The following DNAH14 variants were observed in gnomAD, a reference collection of about 807,000 sequenced individuals.
DNAH14 encodes dynein axonemal heavy chain 14.
A neutral mutation model predicts 520.9 loss-of-function variants in DNAH14; 478 were observed. That is an observed-to-expected ratio of 0.92 (90% confidence interval 0.85 to 0.99). The LOEUF (loss-of-function observed/expected upper bound fraction) is 0.99, where lower values mean the gene tolerates loss of function less well. Ranked by LOEUF, DNAH14 falls within the 50% of genes least tolerant of loss-of-function variation. The probability of loss-of-function intolerance (pLI) is 0.00; values close to 1 mark genes in which losing one functional copy is unlikely to be tolerated. For synonymous variants in DNAH14, 1,581 were observed against 1,757.2 expected (o/e 0.90, Z 2.51); for missense variants, 4,831 against 5,234.5 (o/e 0.92, Z 2.38).
chr1:225,335,681 A>G (rs1182683855), intron 66 of DNAH14, among the ~76,000 whole-genome samples: 2 of 91,534 alleles, frequency 2.2e-5, no homozygotes, highest in African/African-American at 4.8e-5. Flanking sequence ...ATATATGTAT[A>G]TACGCATATA....
At chr1:225,095,160 G>A (rs1220669900) in intron 21 of DNAH14, among the ~76,000 whole-genome samples, 1 of 151,994 alleles carries the variant, frequency 6.6e-6, no homozygotes, top group Admixed American at 6.5e-5. Context: ...TATACCCAAA[G>A]GAATATAAAA....
intron 55 of DNAH14, among the ~76,000 whole-genome samples, chr1:225,298,778 C>T (rs2094072100): frequency 6.6e-6 from 1 of 152,194 alleles, no homozygotes; most frequent in African/African-American, 2.4e-5. Context: ...GCATGAATTT[C>T]CAGCAGCTCC....
rs2092592635 is a variant in DNAH14, at chr1:225,252,503, A to T, written c.6865+86A>T. On this transcript the variant is annotated intron_variant, in intron 44 of 85. Transcript: ENST00000682510. ...AAAAGTAATTATATCTACTCTATTT[A>T]TAAAAGTAATTATATCTGCAACTTT... 4.1e-6 allele frequency: 3 copies of T among 731,194 alleles called. No individual in the cohort carries two copies. In the South Asian group the frequency reaches 6.3e-5, roughly 15 times the overall value. The allele number at this position is 731,194 out of a possible 1,614,324, so 45.3% of individuals were successfully genotyped here.
chr1:225,327,203 G>A (rs2094692234), intron 64 of DNAH14, among the ~76,000 whole-genome samples: 1 of 151,488 alleles, frequency 6.6e-6, no homozygotes, highest in African/African-American at 2.4e-5. Flanking sequence ...TCTCGCCCAG[G>A]CTGAAGTGCA....
Position 225,338,129 on chromosome 1 carries a change from A to G in DNAH14, c.10380A>G (p.Gly3460=), listed in dbSNP as rs1189145402. 6 of 1,551,876 alleles carry G rather than the reference A, an allele frequency of 3.9e-6. No homozygotes were observed. The African/African-American group carries it at 4.1e-5, about 11-fold the overall frequency. ...AAAAGGATATCTATCAGAAAAAAGG[A>G]CACTATTTCATAAGGGTTGGTGATG... ...ILKKDIYQKK[G]HYFIRVGDAE... The change falls in exon 68 of 86, where the codon GGA becomes GGG. Residue 3460 remains glycine (G), a synonymous_variant. Coordinates refer to ENST00000682510, the MANE Select transcript of DNAH14 (RefSeq NM_001367479.1).
intron 55 of DNAH14, among the ~76,000 whole-genome samples, chr1:225,299,493 A>G (rs1000433443): frequency 6.6e-6 from 1 of 152,050 alleles, no homozygotes; most frequent in African/African-American, 2.4e-5. Flanking sequence ...TGCTATATCT[A>G]TATATTCTCC....
chr1:225,374,827 T>C lies in DNAH14; in HGVS notation c.12458T>C (p.Leu4153Pro), dbSNP rs199565083. The C allele has an allele frequency of 1.8e-3, 2,744 of 1,551,526 alleles. 6 individuals carry two copies. Among genetic ancestry groups the C allele is most frequent in the Non-Finnish European group, 2.2e-3 (2,532 of 1,146,868 alleles). The change falls in exon 78 of 86, where the codon CTC (leucine) becomes CCC (proline). Residue 4153 changes from leucine (L) to proline (P), a missense_variant. Coordinates refer to ENST00000682510, the MANE Select transcript of DNAH14 (RefSeq NM_001367479.1). Reference protein sequence around the residue: ...NWDKRCLKTLLYKFCNPEVLK... With the variant: ...NWDKRCLKTLPYKFCNPEVLK... Reference sequence around the variant, plus strand: ...GACAAGCGATGCTTGAAGACCCTACTCTACAAATTTTGTAATCCTGAAGTG... The same window carrying C: ...GACAAGCGATGCTTGAAGACCCTACCCTACAAATTTTGTAATCCTGAAGTG...
chr1:225,373,336 G>A (rs3991194), intron 77 of DNAH14, among the ~76,000 whole-genome samples: 85,223 of 151,978 alleles, frequency 0.56, 26,165 homozygotes, highest in Middle Eastern at 0.75. Flanking sequence ...GTGGTGGTGC[G>A]CGCCTGTAGT....
intron 76 of DNAH14, among the ~76,000 whole-genome samples, chr1:225,365,834 C>A (rs925786538): frequency 6.6e-6 from 1 of 152,098 alleles, no homozygotes; most frequent in African/African-American, 2.4e-5. Flanking sequence ...ACAGAAATAG[C>A]GCTTCAGGGA....
At chr1:225,302,024 A>G (rs2094148138) in intron 56 of DNAH14, among the ~76,000 whole-genome samples, 2 of 150,404 alleles carry the variant, frequency 1.3e-5, no homozygotes, top group African/African-American at 2.4e-5. Flanking sequence ...TTTGGAGTGC[A>G]GAGAATAGTA....
chr1:224,939,813 G>C (rs1294090209), intron 1 of DNAH14, among the ~76,000 whole-genome samples: 1 of 152,192 alleles, frequency 6.6e-6, no homozygotes, highest in Non-Finnish European at 1.5e-5. Flanking sequence ...GTTTGGCTCA[G>C]TGTCCCCACC....
At chr1:225,052,135 A>G (rs1012854239) in intron 17 of DNAH14, among the ~76,000 whole-genome samples, 5 of 152,160 alleles carry the variant, frequency 3.3e-5, no homozygotes, top group Admixed American at 6.5e-5. Flanking sequence ...CATCTATTCC[A>G]TTAGAATGTA....
At position 225,381,537 on chromosome 1, in the gene DNAH14, A is replaced by AGATC; in HGVS notation, c.13035_13036insGATC (p.Phe4346AspfsTer3). ...TCCTCACCCAAGAATTGGAGGAAAT[A>AGATC]TTTAACTCTTTTCTTAATATGAGAG... On this transcript the variant is annotated frameshift_variant, in exon 81 of 86. Transcript: ENST00000682510. LOFTEE classifies it high-confidence loss of function. 1 of 1,542,700 alleles carries AGATC rather than the reference A, an allele frequency of 6.5e-7. No individual in the cohort carries two copies. The highest frequency in any genetic ancestry group is 1.2e-5 in the South Asian group (1 of 82,042).
At chr1:224,999,491 C>T (rs1308981565) in intron 8 of DNAH14, among the ~76,000 whole-genome samples, 1 of 152,154 alleles carries the variant, frequency 6.6e-6, no homozygotes, top group Non-Finnish European at 1.5e-5. Flanking sequence ...AGGTGTGAGC[C>T]ACTGTTGCCT....
At chr1:225,362,390 C>T (rs908161710) in intron 75 of DNAH14, among the ~76,000 whole-genome samples, 9 of 152,110 alleles carry the variant, frequency 5.9e-5, no homozygotes, top group African/African-American at 2.2e-4. Context: ...GCCTGGCCAA[C>T]ATGGTGAAAC....
At chr1:225,089,019 T>G (rs1324799511) in intron 21 of DNAH14, among the ~76,000 whole-genome samples, 1 of 152,198 alleles carries the variant, frequency 6.6e-6, no homozygotes, top group East Asian at 1.9e-4. Context: ...TTTAAGGAAT[T>G]TAATTTCATT....
chr1:225,060,223 T>C (rs887533919), intron 17 of DNAH14, among the ~76,000 whole-genome samples: 2 of 152,172 alleles, frequency 1.3e-5, no homozygotes, highest in Non-Finnish European at 2.9e-5. Context: ...CTTTTTATTT[T>C]TTTTTCTCTA....
At chr1:224,931,128 G>A (rs1021352143) in intron 1 of DNAH14, among the ~76,000 whole-genome samples, 3 of 152,116 alleles carry the variant, frequency 2.0e-5, no homozygotes, top group Non-Finnish European at 4.4e-5. Context: ...CTAGGCTAAT[G>A]TGTGTGTTTG....
chr1:225,029,856 C>G (rs1006363476), intron 11 of DNAH14, among the ~76,000 whole-genome samples: 3 of 151,824 alleles, frequency 2.0e-5, no homozygotes, highest in Non-Finnish European at 4.4e-5. Flanking sequence ...ATTGGTCAAA[C>G]CTATAAATAA....
Sources: gnomAD v4.1 joint callset for allele counts (sites outside exome capture counted in the v4.1 genomes callset) on GRCh38, gnomAD v4.1.1 for gene constraint, MANE v1.5 for transcripts, NCBI Gene and HGNC (gene_info 2026-07-23, HGNC 2026-07-21) for gene names.